The following PLCXD3 variants were observed in gnomAD, a reference collection of about 807,000 sequenced individuals.
The protein encoded by PLCXD3 is PI-PLC X domain-containing protein 3.
PLCXD3 carries 19 observed loss-of-function variants against 25.5 expected under a neutral mutation model. The ratio of observed to expected loss-of-function variants is 0.75; its 90% CI spans 0.52 to 1.09. The LOEUF (loss-of-function observed/expected upper bound fraction) is 1.09. Among genes scored for constraint, PLCXD3 ranks in the 50% least tolerant of loss-of-function variants. PLCXD3 has a pLI of 0.00. For missense variants in PLCXD3, 411 were observed against 388.1 expected (o/e 1.06, Z -0.50); for synonymous variants, 174 against 137.6 (o/e 1.26, Z -1.85).
intron 1 of PLCXD3, among the ~76,000 whole-genome samples, chr5:41,505,070 T>G (rs1409773136): frequency 6.6e-6 from 1 of 152,214 alleles, no homozygotes; most frequent in Non-Finnish European, 1.5e-5. Context: ...ATTTGCTCTT[T>G]CTGTTCTCAT....
In PLCXD3 at chr5:41,309,237, A is replaced by G. The variant is rs1315159606; in HGVS notation, c.*4380T>C. 1.3e-5 allele frequency: 2 copies of G among 152,572 alleles called. No homozygotes were observed. The highest frequency in any genetic ancestry group is 2.9e-5 in the Non-Finnish European group (2 of 68,014). The allele number at this position is 152,572 out of a possible 1,614,324, so 9.5% of individuals were successfully genotyped here. The stretch of plus-strand genomic sequence containing the variant: ...AATTACACAATTTTCAACAGATTCA[A>G]TTGACATGTTTTACAAATTCTACAG... On this transcript the variant is annotated 3_prime_UTR_variant, in exon 3 of 3. Transcript: ENST00000377801.
chr5:41,484,295 TG>T (rs1474594726), intron 1 of PLCXD3, among the ~76,000 whole-genome samples: 1 of 151,960 alleles, frequency 6.6e-6, no homozygotes, highest in Non-Finnish European at 1.5e-5. Context: ...AAAATATTTT[TG>T]CACATATTCA....
At chr5:41,490,199 G>C (rs1283966888) in intron 1 of PLCXD3, among the ~76,000 whole-genome samples, 1 of 152,114 alleles carries the variant, frequency 6.6e-6, no homozygotes, top group African/African-American at 2.4e-5. Context: ...TAATCACGTG[G>C]TTTTTGTCTT....
chr5:41,431,996 T>C (rs1747120861), intron 1 of PLCXD3, among the ~76,000 whole-genome samples: 1 of 152,068 alleles, frequency 6.6e-6, no homozygotes, highest in African/African-American at 2.4e-5. Flanking sequence ...CAGGAGAAGC[T>C]AGTTAGGGAA....
At chr5:41,414,716 T>C (rs1197899611) in intron 1 of PLCXD3, among the ~76,000 whole-genome samples, 1 of 152,230 alleles carries the variant, frequency 6.6e-6, no homozygotes, top group Non-Finnish European at 1.5e-5. Flanking sequence ...AAACAACTTA[T>C]AAGTTTTAAA....
chr5:41,372,844 G>C (rs1745144555), intron 2 of PLCXD3, among the ~76,000 whole-genome samples: 2 of 151,908 alleles, frequency 1.3e-5, no homozygotes, highest in South Asian at 4.2e-4. Flanking sequence ...AGAAAATTGA[G>C]ACCAGCCTGG....
chr5:41,461,935 G>T (rs535697793), intron 1 of PLCXD3, among the ~76,000 whole-genome samples: 1 of 151,924 alleles, frequency 6.6e-6, no homozygotes, highest in Non-Finnish European at 1.5e-5. Context: ...TACTCAACAA[G>T]CATGTGCCCT....
At chr5:41,505,705 A>G (rs1457369330) in intron 1 of PLCXD3, among the ~76,000 whole-genome samples, 1 of 152,220 alleles carries the variant, frequency 6.6e-6, no homozygotes, top group Non-Finnish European at 1.5e-5. Context: ...GCAGGACTTT[A>G]AGGAAATGAG....
At chr5:41,357,155 T>C (rs1744642442) in intron 2 of PLCXD3, among the ~76,000 whole-genome samples, 2 of 152,216 alleles carry the variant, frequency 1.3e-5, no homozygotes, top group African/African-American at 4.8e-5. Context: ...CAACAAAACA[T>C]GTCTTTCTCA....
chr5:41,438,691 C>A (rs1430007149), intron 1 of PLCXD3, among the ~76,000 whole-genome samples: 1 of 151,896 alleles, frequency 6.6e-6, no homozygotes, highest in Non-Finnish European at 1.5e-5. Context: ...TGTCATGTGA[C>A]AAGAACCCAC....
chr5:41,489,658 T>G (rs1038428200), intron 1 of PLCXD3, among the ~76,000 whole-genome samples: 129 of 152,106 alleles, frequency 8.5e-4, no homozygotes, highest in Non-Finnish European at 1.6e-3. Context: ...CCCTTGTAAG[T>G]TGGATTCCTA....
intron 1 of PLCXD3, among the ~76,000 whole-genome samples, chr5:41,429,951 A>C (rs778742501): frequency 6.6e-6 from 1 of 152,182 alleles, no homozygotes; most frequent in Non-Finnish European, 1.5e-5. Flanking sequence ...ATGCCCCTGG[A>C]AACACCTATT....
Position 41,382,439 on chromosome 5 carries a change from T to C in PLCXD3, c.199A>G (p.Thr67Ala), listed in dbSNP as rs149818734. The change falls in exon 2 of 3, where the codon ACT (threonine) becomes GCT (alanine). Residue 67 changes from threonine (T) to alanine (A), a missense_variant. By Grantham distance (58) the Thr-to-Ala change is moderately conservative. Transcript: ENST00000377801. Reference sequence around the variant, plus strand: ...TTCCGCATGAGCTTTTTGGCCACAGTTCCAAACACAGAGACAAAATTCTGG... The same window carrying C: ...TTCCGCATGAGCTTTTTGGCCACAGCTCCAAACACAGAGACAAAATTCTGG... ...TVQNFVSVFG[T>A]VAKKLMRKWL... 6.2e-6 allele frequency: 10 copies of C among 1,613,388 alleles called. No homozygotes were observed. In the Admixed American group the frequency reaches 1.7e-4, roughly 27 times the overall value.
intron 1 of PLCXD3, among the ~76,000 whole-genome samples, chr5:41,481,583 G>C (rs190339240): frequency 2.4e-4 from 37 of 152,368 alleles, no homozygotes; most frequent in Admixed American, 4.6e-4. Flanking sequence ...AAAAAAGCCA[G>C]TCAAAAGCAG....
chr5:41,414,542 T>A (rs146350830), intron 1 of PLCXD3, among the ~76,000 whole-genome samples: 4 of 152,336 alleles, frequency 2.6e-5, no homozygotes, highest in African/African-American at 9.6e-5. Context: ...AGGAGGGTGA[T>A]TATTATATTT....
chr5:41,316,212 G>A (rs1435574917), intron 2 of PLCXD3, among the ~76,000 whole-genome samples: 1 of 152,124 alleles, frequency 6.6e-6, no homozygotes, highest in African/African-American at 2.4e-5. Context: ...TGAGGTCCCC[G>A]TTCCAGGCCC....
At chr5:41,498,488 A>G (rs1156637052) in intron 1 of PLCXD3, among the ~76,000 whole-genome samples, 4 of 151,728 alleles carry the variant, frequency 2.6e-5, no homozygotes, top group Non-Finnish European at 4.4e-5. Context: ...GAAAATGTGA[A>G]CAACCCTATA....
chr5:41,500,830 CA>C (rs2111580141), intron 1 of PLCXD3, among the ~76,000 whole-genome samples: 1 of 151,626 alleles, frequency 6.6e-6, no homozygotes, highest in East Asian at 1.9e-4. Context: ...GGTTAATTTC[CA>C]AAAATATATA....
At chr5:41,399,454 G>T (rs895600577) in intron 1 of PLCXD3, among the ~76,000 whole-genome samples, 2 of 152,038 alleles carry the variant, frequency 1.3e-5, no homozygotes, top group African/African-American at 4.8e-5. Flanking sequence ...ATACTACAAA[G>T]CTACAGTAAC....
Sources: gnomAD v4.1 joint callset for allele counts (sites outside exome capture counted in the v4.1 genomes callset) on GRCh38, gnomAD v4.1.1 for gene constraint, MANE v1.5 for transcripts, NCBI Gene and HGNC (gene_info 2026-07-23, HGNC 2026-07-21) for gene names.